Variants in ARHGAP15 observed in about 807,000 individuals in gnomAD.
ARHGAP15 encodes the protein Rho GTPase activating protein 15, also known as rho GTPase-activating protein 15.
In ARHGAP15, 51 loss-of-function variants were observed where a neutral mutation model predicts 63.7. That is an observed-to-expected ratio of 0.80 (90% CI 0.64 to 1.01). The LOEUF is 1.01. ARHGAP15 is among the 50% of genes least tolerant of loss of function. The probability of loss-of-function intolerance (pLI) is 0.00; values close to 1 mark genes in which losing one functional copy is unlikely to be tolerated. For synonymous variants in ARHGAP15, 191 were observed against 193.8 expected (o/e 0.99, Z 0.12); for missense variants, 560 against 564.6 (o/e 0.99, Z 0.08).
chr2:143,542,088 C>T (rs1447360546), intron 10 of ARHGAP15, among the ~76,000 whole-genome samples: 1 of 152,214 alleles, frequency 6.6e-6, no homozygotes, highest in Non-Finnish European at 1.5e-5. Flanking sequence ...GGGCACCCCT[C>T]CCCCAGCCTC....
chr2:143,562,032 T>C (rs949538089), intron 11 of ARHGAP15, among the ~76,000 whole-genome samples: 2 of 152,220 alleles, frequency 1.3e-5, no homozygotes, highest in Non-Finnish European at 2.9e-5. Context: ...CCAGATTTTA[T>C]TGGCATAATA....
chr2:143,235,247 T>C (rs1485507851), intron 5 of ARHGAP15, among the ~76,000 whole-genome samples: 1 of 151,880 alleles, frequency 6.6e-6, no homozygotes, highest in Non-Finnish European at 1.5e-5. Context: ...GAGTTGTTTT[T>C]TTTTTTTTTT....
intron 6 of ARHGAP15, among the ~76,000 whole-genome samples, chr2:143,272,732 T>G (rs945324483): frequency 3.3e-4 from 50 of 152,202 alleles, no homozygotes; most frequent in Non-Finnish European, 1.5e-5. Flanking sequence ...GAGTATTATG[T>G]TCTCTCTCTT....
At chr2:143,133,692 A>G (rs1333292189) in intron 1 of ARHGAP15, among the ~76,000 whole-genome samples, 4 of 152,180 alleles carry the variant, frequency 2.6e-5, no homozygotes, top group Admixed American at 2.6e-4. Context: ...GAGATGGTTC[A>G]AAATCAATAT....
chr2:143,360,302 T>C (rs1294939261), intron 6 of ARHGAP15, among the ~76,000 whole-genome samples: 8 of 152,032 alleles, frequency 5.3e-5, no homozygotes, highest in Admixed American at 2.6e-4. Flanking sequence ...GGAGGATTGC[T>C]TTAGCCCAAG....
At chr2:143,444,040 T>C (rs1458792167) in intron 8 of ARHGAP15, among the ~76,000 whole-genome samples, 1 of 152,174 alleles carries the variant, frequency 6.6e-6, no homozygotes, top group African/African-American at 2.4e-5. Context: ...GTCGTGTATC[T>C]CATAGCATCA....
chr2:143,519,605 G>A, intron 10 of ARHGAP15: 1 of 297,604 alleles, frequency 3.4e-6, no homozygotes, highest in Non-Finnish European at 6.4e-6. Flanking sequence ...ACTTACTGTT[G>A]ATTCAAGTGC....
intron 6 of ARHGAP15, among the ~76,000 whole-genome samples, chr2:143,329,774 A>T (rs1042776321): frequency 6.6e-6 from 1 of 152,042 alleles, no homozygotes; most frequent in Non-Finnish European, 1.5e-5. Context: ...ATATTTGCAC[A>T]TACACACCCC....
intron 8 of ARHGAP15, among the ~76,000 whole-genome samples, chr2:143,484,099 C>T (rs2105219772): frequency 6.6e-6 from 1 of 152,158 alleles, no homozygotes; most frequent in African/African-American, 2.4e-5. Flanking sequence ...CGTGGTAGCT[C>T]ACACCTGTAA....
At chr2:143,356,526 T>C (rs1453430579) in intron 6 of ARHGAP15, among the ~76,000 whole-genome samples, 2 of 152,102 alleles carry the variant, frequency 1.3e-5, no homozygotes, top group Non-Finnish European at 2.9e-5. Flanking sequence ...CCCCTTTAAG[T>C]TGGTTGATGA....
chr2:143,155,391 C>T, intron 1 of ARHGAP15, 86 bp from the exon 2 acceptor site: 6 of 1,223,950 alleles, frequency 4.9e-6, no homozygotes, highest in Non-Finnish European at 6.7e-6. Context: ...TTTTAATATC[C>T]TAATGATTAC....
chr2:143,658,077 T>G (rs890114884), intron 12 of ARHGAP15, among the ~76,000 whole-genome samples: 6 of 152,214 alleles, frequency 3.9e-5, no homozygotes, highest in Admixed American at 3.9e-4. Context: ...GAATTTCATC[T>G]TTTAGAGCAC....
At chr2:143,742,956 C>T (rs1010369744) in intron 13 of ARHGAP15, among the ~76,000 whole-genome samples, 2 of 152,170 alleles carry the variant, frequency 1.3e-5, no homozygotes, top group African/African-American at 4.8e-5. Flanking sequence ...CCTGGGGCTC[C>T]AACCCAGGCT....
intron 6 of ARHGAP15, among the ~76,000 whole-genome samples, chr2:143,353,414 G>A (rs1039810461): frequency 2.6e-5 from 4 of 152,198 alleles, no homozygotes; most frequent in Admixed American, 2.0e-4. Context: ...GTGGGAAAAT[G>A]CAACTGTATA....
chr2:143,346,274 A>ACACT (rs150385022), intron 6 of ARHGAP15, among the ~76,000 whole-genome samples: 2,555 of 150,238 alleles, frequency 0.017, 47 homozygotes, highest in South Asian at 0.092. Context: ...ACACACACAC[A>ACACT]CTCACAAACA....
intron 13 of ARHGAP15, among the ~76,000 whole-genome samples, chr2:143,705,281 A>T (rs1004589210): frequency 1.3e-5 from 2 of 152,180 alleles, no homozygotes; most frequent in African/African-American, 4.8e-5. Context: ...TCTTACTATT[A>T]GAGTGTTCCT....
chr2:143,395,415 C>A (rs1043419208), intron 6 of ARHGAP15, among the ~76,000 whole-genome samples: 3 of 152,084 alleles, frequency 2.0e-5, no homozygotes, highest in Admixed American at 6.6e-5. Flanking sequence ...TGTTTGTGGT[C>A]TAAATCAAAA....
At chr2:143,716,057 C>A (rs902391840) in intron 13 of ARHGAP15, among the ~76,000 whole-genome samples, 1 of 152,112 alleles carries the variant, frequency 6.6e-6, no homozygotes, top group Non-Finnish European at 1.5e-5. Flanking sequence ...GGAAGAATAG[C>A]TAATGGCTGT....
At chr2:143,649,547 A>G (rs1281981129) in intron 12 of ARHGAP15, among the ~76,000 whole-genome samples, 1 of 151,732 alleles carries the variant, frequency 6.6e-6, no homozygotes, top group Admixed American at 6.6e-5. Flanking sequence ...TTTGAAAACA[A>G]TCAGCTTGCC....
Sources: allele counts gnomAD v4.1 joint callset (sites outside exome capture counted in the v4.1 genomes callset), GRCh38; gene constraint gnomAD v4.1.1; transcripts MANE v1.5; gene names NCBI Gene and HGNC (gene_info 2026-07-23, HGNC 2026-07-21).